The following TENM3 variants were observed in gnomAD, a reference collection of about 807,000 sequenced individuals.
The protein encoded by TENM3 is teneurin transmembrane protein 3, also known as teneurin-3.
TENM3 carries 63 observed loss-of-function variants against 255.1 expected under a neutral mutation model. The observed-to-expected ratio is 0.25, with a 90% CI of 0.20 to 0.30. The LOEUF (loss-of-function observed/expected upper bound fraction) is 0.30. TENM3 is among the 10% of genes least tolerant of loss of function. TENM3 has a pLI of 1.00. For synonymous variants in TENM3, 1,306 were observed against 1,322.3 expected (o/e 0.99, Z 0.27); for missense variants, 2,929 against 3,461.1 (o/e 0.85, Z 3.86).
Position 182,652,508 on chromosome 4 carries a change from A to AAT in TENM3, c.989-1261_989-1260dup, listed in dbSNP as rs564192493. Among the ~76,000 whole-genome samples the AAT allele has an allele frequency of 1.8e-4, 28 of 152,340 alleles. 1 individual carries two copies. The East Asian group carries it at 5.4e-3, about 29-fold the overall frequency. On this transcript the variant is annotated intron_variant, in intron 5 of 27. Coordinates refer to ENST00000511685, the MANE Select transcript of TENM3 (RefSeq NM_001080477.4). ...CACCTTCTCACCTGAGCTTAAATTA[A>AAT]ATAAGGTGGTTGTAACAAACCTCCT...
At chr4:182,553,486 A>G (rs1742275183) in intron 3 of TENM3, among the ~76,000 whole-genome samples, 1 of 151,976 alleles carries the variant, frequency 6.6e-6, no homozygotes, top group African/African-American at 2.4e-5. Context: ...ATATGTAACA[A>G]ATCTGCACGT....
chr4:181,855,044 A>G, the TENM3 span, among the ~76,000 whole-genome samples: 2 of 152,242 alleles, frequency 1.3e-5, no homozygotes, highest in Non-Finnish European at 1.5e-5. Context: ...ATGGAGAAAT[A>G]TAACAGAAAA....
At chr4:182,338,794 G>C (rs976627908) in intron 2 of TENM3, among the ~76,000 whole-genome samples, 32 of 150,858 alleles carry the variant, frequency 2.1e-4, no homozygotes, top group Non-Finnish European at 1.0e-4. Context: ...TATTTTTTTT[G>C]CATTATGAAA....
At chr4:181,743,190 C>T in the TENM3 span, among the ~76,000 whole-genome samples, 1 of 151,998 alleles carries the variant, frequency 6.6e-6, no homozygotes, top group Non-Finnish European at 1.5e-5. Flanking sequence ...GGGTATATAC[C>T]CAGTAATGGG....
At chr4:182,175,059 C>T (rs895638013) in intron 1 of TENM3, among the ~76,000 whole-genome samples, 1 of 152,034 alleles carries the variant, frequency 6.6e-6, no homozygotes, top group Non-Finnish European at 1.5e-5. Context: ...TAAATACGTC[C>T]AGGCACATAA....
chr4:182,532,728 G>A (rs1459149929), intron 3 of TENM3, among the ~76,000 whole-genome samples: 1 of 152,126 alleles, frequency 6.6e-6, no homozygotes, highest in Non-Finnish European at 1.5e-5. Context: ...CTGAACACTT[G>A]ACTACCTCCT....
chr4:182,206,956 G>T (rs143441520), intron 1 of TENM3, among the ~76,000 whole-genome samples: 1 of 151,966 alleles, frequency 6.6e-6, no homozygotes, highest in Non-Finnish European at 1.5e-5. Context: ...CTAATGTCAC[G>T]CACTCAACAT....
intron 3 of TENM3, among the ~76,000 whole-genome samples, chr4:182,479,738 C>A (rs1269160509): frequency 6.6e-6 from 1 of 151,942 alleles, no homozygotes; most frequent in Non-Finnish European, 1.5e-5. Context: ...ATTTTCCATT[C>A]TATGGAGAAT....
chr4:182,475,747 C>A (rs1006697001), intron 3 of TENM3, among the ~76,000 whole-genome samples: 29 of 152,298 alleles, frequency 1.9e-4, no homozygotes, highest in Admixed American at 7.8e-4. Flanking sequence ...ATTCATCAGA[C>A]ATTTTACCTT....
chr4:181,728,076 G>C, the TENM3 span, among the ~76,000 whole-genome samples: 1 of 152,168 alleles, frequency 6.6e-6, no homozygotes, highest in Non-Finnish European at 1.5e-5. Context: ...TCTAGAGTCT[G>C]TAATAGACTC....
chr4:182,050,224 C>A, the TENM3 span, among the ~76,000 whole-genome samples: 1 of 152,042 alleles, frequency 6.6e-6, no homozygotes, highest in Admixed American at 6.6e-5. Flanking sequence ...AACTCCTGAC[C>A]TCGGGTGATC....
At chr4:181,770,802 T>C in the TENM3 span, among the ~76,000 whole-genome samples, 1 of 152,260 alleles carries the variant, frequency 6.6e-6, no homozygotes, top group Non-Finnish European at 1.5e-5. Flanking sequence ...ATCTATGATA[T>C]GTATGTTAGT....
the TENM3 span, among the ~76,000 whole-genome samples, chr4:181,914,990 AT>A: frequency 6.6e-6 from 1 of 152,092 alleles, no homozygotes; most frequent in Non-Finnish European, 1.5e-5. Context: ...GGGTTTTAGA[AT>A]TTGGTTTTAG....
rs190595548 is a variant in TENM3 at position 182,340,975 on chromosome 4, A to G, written c.233-5676A>G. ...CCATATTCAATTTTGGGGTTACTGTAGGAGAAATGAATGGTTATTCTCCTT... is the reference window on the plus strand; with the variant it reads ...CCATATTCAATTTTGGGGTTACTGTGGGAGAAATGAATGGTTATTCTCCTT... On this transcript the variant is annotated intron_variant, in intron 2 of 27. Transcript: ENST00000511685. Among the ~76,000 whole-genome samples, 38 of 152,340 alleles carry G rather than the reference A, an allele frequency of 2.5e-4. 1 individual carries two copies. The highest frequency in any genetic ancestry group is 2.2e-3 in the Admixed American group (34 of 15,310).
rs957977132 is a variant in TENM3, at chr4:182,744,093, CTTT to C, written c.3629+695_3629+697del. On this transcript the variant is annotated intron_variant, in intron 19 of 27. Transcript: ENST00000511685. ...TAGAAGGCTTTTCTAACTGTGCTTTCTTTTTTTTTTTTTTTTTTTTTTTACCTT... is the reference window on the plus strand; with the variant it reads ...TAGAAGGCTTTTCTAACTGTGCTTTCTTTTTTTTTTTTTTTTTTTTACCTT... The C allele has an allele frequency of 6.7e-3, 3,030 of 449,690 alleles. 1 individual carries two copies. The highest frequency in any genetic ancestry group is 0.016 in the Middle Eastern group (14 of 852). The allele number at this position is 449,690 out of a possible 1,614,324, so 27.9% of individuals were successfully genotyped here.
chr4:181,603,284 T>C, the TENM3 span, among the ~76,000 whole-genome samples: 1 of 152,176 alleles, frequency 6.6e-6, no homozygotes, highest in Admixed American at 6.5e-5. Context: ...AAAACTTCAG[T>C]TGGAGATCCT....
chr4:182,723,145 C>A (rs942815191), intron 13 of TENM3, among the ~76,000 whole-genome samples: 4 of 152,166 alleles, frequency 2.6e-5, no homozygotes, highest in African/African-American at 7.2e-5. Context: ...AGGAGAATGA[C>A]CAGCCTGGAG....
chr4:182,688,498 G>A (rs1316636937), intron 12 of TENM3, 147 bp downstream of exon 12: 1 of 658,216 alleles, frequency 1.5e-6, no homozygotes, highest in African/African-American at 1.9e-5. Context: ...AAATATGGTT[G>A]TCATTTTATA....
rs771299347 is a variant in TENM3, at chr4:182,673,008, A to G, written c.1115A>G (p.Lys372Arg). 1 of 1,573,896 alleles carries G rather than the reference A, an allele frequency of 6.4e-7. No individual in the cohort carries two copies. The highest frequency in any genetic ancestry group is 8.7e-7 in the Non-Finnish European group (1 of 1,155,988). Reference protein sequence around the residue: ...TVSLPSGDNGKLGGFTQENNT... With the variant: ...TVSLPSGDNGRLGGFTQENNT... Reference sequence around the variant, plus strand: ...TCAGTGCATCTCTTACATTCAGGAAAATTAGGTGGATTTACGCAAGAAAAT... The same window carrying G: ...TCAGTGCATCTCTTACATTCAGGAAGATTAGGTGGATTTACGCAAGAAAAT... The change falls in exon 7 of 28, where the codon AAA (lysine) becomes AGA (arginine). Residue 372 changes from lysine to arginine, a missense_variant. By Grantham distance (26) the Lys-to-Arg change is conservative. Transcript: ENST00000511685.
Sources: allele counts gnomAD v4.1 joint callset (sites outside exome capture counted in the v4.1 genomes callset), GRCh38; gene constraint gnomAD v4.1.1; transcripts MANE v1.5; gene names NCBI Gene and HGNC (gene_info 2026-07-23, HGNC 2026-07-21).